KIAA0232: variants seen among roughly 807,000 people sequenced by gnomAD.
KIAA0232 encodes the protein uncharacterized protein KIAA0232.
In KIAA0232, 27 loss-of-function variants were observed where a neutral mutation model predicts 122.0. The observed-to-expected ratio is 0.22, with a 90% CI of 0.16 to 0.31. The LOEUF is 0.31. Ranked by LOEUF, KIAA0232 falls within the 10% of genes least tolerant of loss-of-function variation. KIAA0232 has a pLI of 1.00. For synonymous variants in KIAA0232, 613 were observed against 587.6 expected (o/e 1.04, Z -0.63); for missense variants, 1,551 against 1,634.2 (o/e 0.95, Z 0.88).
chr4:6,860,184 C>T (rs181014953), intron 6 of KIAA0232, among the ~76,000 whole-genome samples: 14 of 152,280 alleles, frequency 9.2e-5, no homozygotes, highest in African/African-American at 3.1e-4. Flanking sequence ...CTAGCAGTTA[C>T]GTAAGAAGCT....
chr4:6,791,012 G>A (rs759546198), intron 1 of KIAA0232, among the ~76,000 whole-genome samples: 5 of 141,774 alleles, frequency 3.5e-5, no homozygotes, highest in African/African-American at 5.3e-5. Flanking sequence ...TCCACCTCCC[G>A]GGTTCAAGCG....
At position 6,883,300 on chromosome 4, in the gene KIAA0232, AC is replaced by A. The variant is rs1411034473; in HGVS notation, c.*2336del. 3 of 152,638 alleles carry A rather than the reference AC, an allele frequency of 2.0e-5. No individual in the cohort carries two copies. The highest frequency in any genetic ancestry group is 2.0e-4 in the Admixed American group (3 of 15,278). The allele number at this position is 152,638 out of a possible 1,614,324, so 9.5% of individuals were successfully genotyped here. Reference sequence around the variant, plus strand: ...GTTGTATTGTTCTGATTTCACGTACACCAGAGTAACTGATTTTTTTTTGTTT... The same window carrying A: ...GTTGTATTGTTCTGATTTCACGTACACAGAGTAACTGATTTTTTTTTGTTT... On this transcript the variant is annotated 3_prime_UTR_variant, in exon 10 of 10. Coordinates refer to ENST00000307659, the MANE Select transcript of KIAA0232 (RefSeq NM_014743.3).
At chr4:6,849,706 C>T (rs547643469) in intron 4 of KIAA0232, among the ~76,000 whole-genome samples, 98 of 151,250 alleles carry the variant, frequency 6.5e-4, no homozygotes, top group African/African-American at 2.2e-3. Context: ...TTGAACCAGG[C>T]GGTGGAGCCA....
At chr4:6,784,632 G>T (rs1341506252) in intron 1 of KIAA0232, among the ~76,000 whole-genome samples, 1 of 152,112 alleles carries the variant, frequency 6.6e-6, no homozygotes, top group Non-Finnish European at 1.5e-5. Context: ...TTATAACTCA[G>T]ATTCAATTGC....
intron 4 of KIAA0232, among the ~76,000 whole-genome samples, chr4:6,849,485 G>T (rs572235973): frequency 6.6e-6 from 1 of 152,130 alleles, no homozygotes; most frequent in African/African-American, 2.4e-5. Flanking sequence ...ACGTGGTGGC[G>T]CCCACCCATA....
chr4:6,863,435 A>G lies in KIAA0232; in HGVS notation c.3053A>G (p.His1018Arg), dbSNP rs1259435397. Reference protein sequence around the residue: ...GLNKGFSFIFHEDLLGACGNF... With the variant: ...GLNKGFSFIFREDLLGACGNF... ...AATAAGGGATTTTCTTTTATCTTCC[A>G]TGAAGACTTACTAGGAGCTTGTGGC... Residue 1018 changes from histidine (H) to arginine (R), a missense_variant, in exon 7 of 10, where the codon CAT becomes CGT. By Grantham distance (29) the His-to-Arg change is conservative. This residue lies in a region of KIAA0232 where 1,108 missense variants were observed against 1,154.8 expected (regional missense o/e 0.96). Transcript: ENST00000307659. 1.9e-6 allele frequency: 3 copies of G among 1,614,036 alleles called. No individual in the cohort carries two copies. Among genetic ancestry groups the G allele is most frequent in the Admixed American group, 1.7e-5 (1 of 59,988 alleles).
intron 4 of KIAA0232, 52 bp from the exon 5 acceptor site, chr4:6,857,111 CT>C (rs1423979417): frequency 1.5e-5 from 20 of 1,329,586 alleles, no homozygotes; most frequent in Non-Finnish European, 3.1e-6. Context: ...ATACAAATAC[CT>C]GATTTGTACA....
intron 4 of KIAA0232, among the ~76,000 whole-genome samples, chr4:6,842,624 C>T (rs1425368637): frequency 6.7e-6 from 1 of 148,512 alleles, no homozygotes; most frequent in Non-Finnish European, 1.5e-5. Flanking sequence ...CTCACTCTGT[C>T]GCCCAGGCTG....
In KIAA0232 at chr4:6,862,860, A is replaced by G; in HGVS notation, c.2478A>G (p.Lys826=). 6.2e-7 allele frequency: 1 copy of G among 1,614,226 alleles called. No individual in the cohort carries two copies. Among genetic ancestry groups the G allele is most frequent in the South Asian group, 1.1e-5 (1 of 91,086 alleles). Residue 826 remains lysine (K), a synonymous_variant, in exon 7 of 10, where the codon AAA becomes AAG. Transcript: ENST00000307659. ...ATGGCTACAGCTCAGGGGTTATTAA[A>G]GACATTTGGACAAAGATGGCAGACA... The part of the protein sequence containing the change: ...HGDGYSSGVI[K]DIWTKMADTN...
At chr4:6,837,464 A>G (rs980539304) in intron 3 of KIAA0232, among the ~76,000 whole-genome samples, 1 of 150,830 alleles carries the variant, frequency 6.6e-6, no homozygotes, top group African/African-American at 2.4e-5. Context: ...CTCACATCCC[A>G]GACGATGGGC....
chr4:6,794,352 T>C (rs1717039661), intron 1 of KIAA0232, among the ~76,000 whole-genome samples: 1 of 152,250 alleles, frequency 6.6e-6, no homozygotes, highest in African/African-American at 2.4e-5. Context: ...AGTGCTGTTG[T>C]GGTTCTGAAC....
In KIAA0232 at chr4:6,842,071, A is replaced by G. The variant is rs1385439994; in HGVS notation, c.236A>G (p.Asn79Ser). ...CCTGGTGCAATTTCATTGCAGGAGA[A>G]TGACATCTTCCTGGGCTGGGAAAAA... ...SYDYDLQEQENDIFLGWEKGA... is the reference protein window; with the variant it reads ...SYDYDLQEQESDIFLGWEKGA... The change falls in exon 4 of 10, where the codon AAT becomes AGT. Residue 79 changes from asparagine to serine, a missense_variant. By Grantham distance (46) the Asn-to-Ser change is conservative. This residue lies in a region of KIAA0232 where 377 missense variants were observed against 381.7 expected (regional missense o/e 0.99). Transcript: ENST00000307659. The G allele has an allele frequency of 1.2e-6, 2 of 1,613,520 alleles. No homozygotes were observed. Among genetic ancestry groups the G allele is most frequent in the South Asian group, 2.2e-5 (2 of 91,022 alleles).
chr4:6,870,647 A>G (rs932056139), intron 7 of KIAA0232, among the ~76,000 whole-genome samples: 1 of 152,280 alleles, frequency 6.6e-6, no homozygotes, highest in Non-Finnish European at 1.5e-5. Flanking sequence ...TACTAAAAAT[A>G]CAAAAATTAG....
In KIAA0232 at chr4:6,820,030, G is replaced by C. The variant is rs559611335; in HGVS notation, c.-269-4155G>C. Among the ~76,000 whole-genome samples the C allele has an allele frequency of 2.6e-5, 4 of 152,234 alleles. No individual in the cohort carries two copies. In the East Asian group the frequency reaches 7.7e-4, roughly 29 times the overall value. On this transcript the variant is annotated intron_variant, in intron 2 of 9. Coordinates refer to ENST00000307659, the MANE Select transcript of KIAA0232 (RefSeq NM_014743.3). The stretch of plus-strand genomic sequence containing the variant: ...ATAAAATACTGTGTGTTCTCACTTA[G>C]AAGTGGGAGTTAAACATCAGTTACT...
Position 6,790,527 on chromosome 4 carries a change from C to T in KIAA0232, c.-354+7686C>T, listed in dbSNP as rs577982128. On this transcript the variant is annotated intron_variant, in intron 1 of 9. Transcript: ENST00000307659. Reference sequence around the variant, plus strand: ...CTCCTGCCTCAGCTGGGACTACATGCTCATGTTACCACTCCTGGCTAATTT... The same window carrying T: ...CTCCTGCCTCAGCTGGGACTACATGTTCATGTTACCACTCCTGGCTAATTT... Among the ~76,000 whole-genome samples, 71 of 151,538 alleles carry T rather than the reference C, an allele frequency of 4.7e-4. 1 individual carries two copies. The Middle Eastern group carries it at 0.01, about 22-fold the overall frequency.
intron 7 of KIAA0232, among the ~76,000 whole-genome samples, chr4:6,869,191 C>G: frequency 6.6e-6 from 1 of 152,180 alleles, no homozygotes; most frequent in Admixed American, 6.5e-5. Flanking sequence ...CTGACCTGTC[C>G]CATCCCCCAC....
chr4:6,813,137 T>C (rs556492535), intron 2 of KIAA0232, among the ~76,000 whole-genome samples: 2 of 152,238 alleles, frequency 1.3e-5, no homozygotes, highest in African/African-American at 2.4e-5. Context: ...TAGTAATATA[T>C]GTCATATAGA....
At chr4:6,807,913 C>T (rs538920577) in intron 2 of KIAA0232, among the ~76,000 whole-genome samples, 1 of 152,060 alleles carries the variant, frequency 6.6e-6, no homozygotes, top group Non-Finnish European at 1.5e-5. Context: ...ACTAAAAATA[C>T]AAAAATTAGC....
chr4:6,784,135 G>A (rs1341774425), intron 1 of KIAA0232, among the ~76,000 whole-genome samples: 2 of 151,666 alleles, frequency 1.3e-5, no homozygotes, highest in African/African-American at 4.9e-5. Flanking sequence ...GCGGAGAGGA[G>A]GCATGCGAGA....
Sources: allele counts gnomAD v4.1 joint callset (sites outside exome capture counted in the v4.1 genomes callset), GRCh38; gene constraint gnomAD v4.1.1; regional missense constraint gnomAD v4.1.1; transcripts MANE v1.5; gene names NCBI Gene and HGNC (gene_info 2026-07-23, HGNC 2026-07-21).